GRPEL1: variants seen among roughly 807,000 people sequenced by gnomAD.
GRPEL1 encodes the protein grpE protein homolog 1, mitochondrial.
In GRPEL1, 13 loss-of-function variants were observed where a neutral mutation model predicts 22.1. The observed-to-expected ratio is 0.59, with a 90% confidence interval of 0.38 to 0.94. The LOEUF (loss-of-function observed/expected upper bound fraction) is 0.94, where lower values mean the gene tolerates loss of function less well. GRPEL1 is among the 40% of genes least tolerant of loss of function. GRPEL1 has a pLI of 0.00. For missense variants in GRPEL1, 289 were observed against 264.6 expected, an observed-to-expected ratio of 1.09 and a Z score of -0.64; for synonymous variants, 109 against 105.3, an observed-to-expected ratio of 1.03 and a Z score of -0.21.
chr4:7,060,605 G>C lies in GRPEL1; in HGVS notation c.*257C>G. 1 of 504,740 alleles carries C rather than the reference G, an allele frequency of 2.0e-6. No individual in the cohort carries two copies. Among genetic ancestry groups the C allele is most frequent in the Non-Finnish European group, 3.5e-6 (1 of 284,840 alleles). The allele number at this position is 504,740 out of a possible 1,614,324, so 31.3% of individuals were successfully genotyped here. On this transcript the variant is annotated 3_prime_UTR_variant, in exon 4 of 4. Transcript: ENST00000264954. ...CAGACACGTTACTCATGATGCTCGG[G>C]AGACCAGGCAGGGCCCTGCTGAGCT...
rs978272359 is a variant in GRPEL1 at position 7,060,461 on chromosome 4, C to T, written c.*401G>A. 10 of 172,998 alleles carry T rather than the reference C, an allele frequency of 5.8e-5. No individual in the cohort carries two copies. The highest frequency in any genetic ancestry group is 8.6e-5 in the Non-Finnish European group (7 of 81,556). 10.7% of individuals were successfully genotyped at this position (172,998 alleles called of 1,614,324 possible). ...CGAATGAAATGTGACGGGCTAAATA[C>T]GCCAGTCACTCATGCGCCGCAGGGA... On this transcript the variant is annotated 3_prime_UTR_variant, in exon 4 of 4. Coordinates refer to ENST00000264954, the MANE Select transcript of GRPEL1 (RefSeq NM_025196.4).
At chr4:7,063,661 TG>T (rs2108791973) in intron 2 of GRPEL1, among the ~76,000 whole-genome samples, 1 of 152,356 alleles carries the variant, frequency 6.6e-6, no homozygotes, top group African/African-American at 2.4e-5. Context: ...TAATAATCCA[TG>T]TTACTAGTTC....
intron 2 of GRPEL1, 46 bp from the exon 3 acceptor site, chr4:7,062,512 ATATCT>A (rs1339100177): frequency 7.0e-6 from 2 of 286,818 alleles, no homozygotes. Flanking sequence ...ATATATATAT[ATATCT>A]TTTTTTTTGA....
At chr4:7,065,322 C>T (rs1724142097) in intron 1 of GRPEL1, among the ~76,000 whole-genome samples, 1 of 152,168 alleles carries the variant, frequency 6.6e-6, no homozygotes, top group Non-Finnish European at 1.5e-5. Flanking sequence ...CGGGACCAGC[C>T]TGACCAACAT....
chr4:7,059,313 T>A lies in GRPEL1; in HGVS notation c.*1549A>T, dbSNP rs1471976309. The A allele has an allele frequency of 2.0e-5, 3 of 152,246 alleles. No individual in the cohort carries two copies. Among genetic ancestry groups the A allele is most frequent in the Non-Finnish European group, 4.4e-5 (3 of 68,040 alleles). 9.4% of individuals were successfully genotyped at this position (152,246 alleles called of 1,614,324 possible). A position where few individuals can be genotyped will look rare whatever the true frequency, so the allele number is the denominator to read the frequency against. ...TATTGCCTCTAGGTTACGAGTTAAG[T>A]GCTTTTTAGCAACTGCAGCTGTAGT... On this transcript the variant is annotated 3_prime_UTR_variant, in exon 4 of 4. Coordinates refer to ENST00000264954, the MANE Select transcript of GRPEL1 (RefSeq NM_025196.4).
intron 1 of GRPEL1, among the ~76,000 whole-genome samples, chr4:7,067,256 A>AC (rs1724190499): frequency 1.2e-5 from 1 of 82,560 alleles, no homozygotes; most frequent in Admixed American, 1.3e-4. Flanking sequence ...GGCAGATTTG[A>AC]GGGGAAAAAA....
intron 1 of GRPEL1, among the ~76,000 whole-genome samples, chr4:7,064,746 G>A (rs1011795475): frequency 6.6e-6 from 1 of 152,084 alleles, no homozygotes; most frequent in South Asian, 2.1e-4. Flanking sequence ...TGATCTGCCC[G>A]CGTTGGCCTC....
At chr4:7,062,507 TA>T in intron 2 of GRPEL1, 41 bp from the exon 3 acceptor site, 5 of 571,268 alleles carry the variant, frequency 8.8e-6, no homozygotes, top group South Asian at 8.4e-5. Flanking sequence ...TATATATATA[TA>T]TATATATCTT....
chr4:7,061,581 G>A (rs1290198019), intron 3 of GRPEL1: 2 of 215,240 alleles, frequency 9.3e-6, no homozygotes, highest in Non-Finnish European at 1.9e-5. Context: ...GTAAGAGTAT[G>A]TAAGTCACCC....
chr4:7,061,242 A>T lies in GRPEL1; in HGVS notation c.308-34T>A, dbSNP rs548947507. The stretch of plus-strand genomic sequence containing the variant: ...AGTTAAAGAAGATCATTTGCACTCC[A>T]TACCAACCGCACAGGGCAATTCCAA... On this transcript the variant is annotated intron_variant, in intron 3 of 3. Transcript: ENST00000264954. The T allele has an allele frequency of 1.3e-4, 195 of 1,551,412 alleles. 2 individuals carry two copies. In the South Asian group the frequency reaches 2.2e-3, roughly 18 times the overall value.
chr4:7,061,439 GA>G, intron 3 of GRPEL1: 5 of 503,378 alleles, frequency 9.9e-6, no homozygotes, highest in Non-Finnish European at 1.8e-5. Context: ...GTGAAGAAAG[GA>G]GTGCAGTAGA....
rs746492180 is a variant in GRPEL1 at position 7,068,058 on chromosome 4, C to A, written c.-26G>T. The A allele has an allele frequency of 7.4e-6, 12 of 1,610,758 alleles. No individual in the cohort carries two copies. In the African/African-American group the frequency reaches 8.0e-5, roughly 11 times the overall value. On this transcript the variant is annotated 5_prime_UTR_variant, in exon 1 of 4. Coordinates refer to ENST00000264954, the MANE Select transcript of GRPEL1 (RefSeq NM_025196.4). ...GACTGCCACTGCCCGTCGCAGTCGC[C>A]GCGCACGCACCAAGCGTGCGTGCAG...
At chr4:7,062,659 C>G (rs1464889976) in intron 2 of GRPEL1, among the ~76,000 whole-genome samples, 193 bp from the exon 3 acceptor site, 1 of 151,776 alleles carries the variant, frequency 6.6e-6, no homozygotes, top group Non-Finnish European at 1.5e-5. Flanking sequence ...CTACAGGCGC[C>G]TGCCACCACG....
rs186645213 is a variant in GRPEL1, at chr4:7,059,790, T to C, written c.*1072A>G. 6.6e-6 allele frequency: 1 copy of C among 152,378 alleles called. No homozygotes were observed. The highest frequency in any genetic ancestry group is 1.5e-5 in the Non-Finnish European group (1 of 68,044). The allele number at this position is 152,378 out of a possible 1,614,324, so 9.4% of individuals were successfully genotyped here. On this transcript the variant is annotated 3_prime_UTR_variant, in exon 4 of 4. Transcript: ENST00000264954. ...TGACCGTGTAAATGAGGAACAGCCC[T>C]TTGGCAAGATGATTTTGCAAATCCT...
At position 7,060,586 on chromosome 4, in the gene GRPEL1, C is replaced by A. The variant is rs751853352; in HGVS notation, c.*276G>T. 6.4e-6 allele frequency: 3 copies of A among 471,564 alleles called. No individual in the cohort carries two copies. The highest frequency in any genetic ancestry group is 1.1e-5 in the Non-Finnish European group (3 of 265,224). 29.2% of individuals were successfully genotyped at this position (471,564 alleles called of 1,614,324 possible). A position where few individuals can be genotyped will look rare whatever the true frequency, so the allele number is the denominator to read the frequency against. Reference sequence around the variant, plus strand: ...GGTGTCAGCAGAGTCTGAGCAGACACGTTACTCATGATGCTCGGGAGACCA... The same window carrying A: ...GGTGTCAGCAGAGTCTGAGCAGACAAGTTACTCATGATGCTCGGGAGACCA... On this transcript the variant is annotated 3_prime_UTR_variant, in exon 4 of 4. Coordinates refer to ENST00000264954, the MANE Select transcript of GRPEL1 (RefSeq NM_025196.4).
rs747347955 is a variant in GRPEL1, at chr4:7,064,194, G to T, written c.92C>A (p.Thr31Lys). The change falls in exon 2 of 4, where the codon ACG (threonine) becomes AAG (lysine). Residue 31 changes from threonine to lysine, a missense_variant. Physicochemically the swap from Thr to Lys is moderately conservative, Grantham distance 78. Coordinates refer to ENST00000264954, the MANE Select transcript of GRPEL1 (RefSeq NM_025196.4). ...RPSPRLLCTA[T>K]KQKNSGQNLE... is the part of the protein sequence containing the mutation. ...GTTCTGGCCACTGTTCTTTTGTTTCGTGGCTGTGCACAACAACCGGGGAGA... is the reference window on the plus strand; with the variant it reads ...GTTCTGGCCACTGTTCTTTTGTTTCTTGGCTGTGCACAACAACCGGGGAGA... 2 of 1,613,812 alleles carry T rather than the reference G, an allele frequency of 1.2e-6. No individual in the cohort carries two copies. The highest frequency in any genetic ancestry group is 4.5e-5 in the East Asian group (2 of 44,850).
chr4:7,061,228 A>C lies in GRPEL1; in HGVS notation c.308-20T>G, dbSNP rs762449601. 3.5e-5 allele frequency: 56 copies of C among 1,587,298 alleles called. No individual in the cohort carries two copies. The highest frequency in any genetic ancestry group is 4.5e-5 in the Non-Finnish European group (53 of 1,165,538). On this transcript the variant is annotated intron_variant, in intron 3 of 3. Coordinates refer to ENST00000264954, the MANE Select transcript of GRPEL1 (RefSeq NM_025196.4). ...GAATGCCTGGATGAAGTTAAAGAAGATCATTTGCACTCCATACCAACCGCA... is the reference window on the plus strand; with the variant it reads ...GAATGCCTGGATGAAGTTAAAGAAGCTCATTTGCACTCCATACCAACCGCA...
intron 1 of GRPEL1, 81 bp from the exon 2 acceptor site, chr4:7,064,304 A>C: frequency 7.1e-7 from 1 of 1,409,902 alleles, no homozygotes; most frequent in Non-Finnish European, 9.6e-7. Context: ...TAGAAACTTA[A>C]AATAGCTTCA....
Position 7,067,583 on chromosome 4 carries a change from T to C in GRPEL1, c.62+388A>G, listed in dbSNP as rs115875641. The C allele has an allele frequency of 9.9e-3, 2,701 of 272,760 alleles. 55 individuals carry two copies. The highest frequency in any genetic ancestry group is 0.048 in the African/African-American group (2,102 of 44,030). 16.9% of individuals were successfully genotyped at this position (272,760 alleles called of 1,614,324 possible). A position where few individuals can be genotyped will look rare whatever the true frequency, so the allele number is the denominator to read the frequency against. On this transcript the variant is annotated intron_variant, in intron 1 of 3. Coordinates refer to ENST00000264954, the MANE Select transcript of GRPEL1 (RefSeq NM_025196.4). ...ACCTTGGACAAAGCTCGAGCTTCTT[T>C]GGTCGCTTCTTCAACCGCACAAGTT...
Sources: allele counts gnomAD v4.1 joint callset (sites outside exome capture counted in the v4.1 genomes callset), GRCh38; gene constraint gnomAD v4.1.1; transcripts MANE v1.5; gene names NCBI Gene and HGNC (gene_info 2026-07-23, HGNC 2026-07-21).